AP2B1: variants seen among roughly 807,000 people sequenced by gnomAD.
AP2B1 encodes AP-2 complex subunit beta.
A neutral mutation model predicts 102.0 loss-of-function variants in AP2B1; 23 were observed. The observed-to-expected ratio is 0.23, with a 90% CI of 0.16 to 0.32. The LOEUF (loss-of-function observed/expected upper bound fraction) is 0.32, where lower values mean the gene tolerates loss of function less well. Ranked by LOEUF, AP2B1 falls within the 10% of genes least tolerant of loss-of-function variation. The pLI, the probability that AP2B1 is intolerant of heterozygous loss-of-function variation, is 1.00. For missense variants in AP2B1, 541 were observed against 1,157.4 expected (o/e 0.47, Z 7.73); for synonymous variants, 381 against 421.2 (o/e 0.90, Z 1.17).
chr17:35,588,296 C>CTTTTA (rs977102572), intron 1 of AP2B1, among the ~76,000 whole-genome samples: 1 of 151,866 alleles, frequency 6.6e-6, no homozygotes, highest in Non-Finnish European at 1.5e-5. Flanking sequence ...AAACTTTTGA[C>CTTTTA]TTTTATTTTA....
chr17:35,722,013 G>A (rs1364881849), intron 21 of AP2B1, among the ~76,000 whole-genome samples: 1 of 152,176 alleles, frequency 6.6e-6, no homozygotes, highest in Non-Finnish European at 1.5e-5. Flanking sequence ...GGCCGAGGTG[G>A]GTGGATCACC....
chr17:35,604,248 C>T (rs966437869), intron 3 of AP2B1, among the ~76,000 whole-genome samples: 2 of 152,026 alleles, frequency 1.3e-5, no homozygotes, highest in African/African-American at 4.8e-5. Flanking sequence ...GCTGGGACCA[C>T]AGGCGCACAC....
intron 18 of AP2B1, among the ~76,000 whole-genome samples, chr17:35,706,648 C>CT (rs879890152): frequency 1.0e-3 from 145 of 145,708 alleles, no homozygotes; most frequent in African/African-American, 1.1e-3. Context: ...CCAGTTTTCA[C>CT]TTTTTTTTTT....
At chr17:35,644,353 A>G (rs758362865) in intron 12 of AP2B1, among the ~76,000 whole-genome samples, 11 of 152,132 alleles carry the variant, frequency 7.2e-5, no homozygotes, top group Non-Finnish European at 1.5e-4. Flanking sequence ...TGATTATTTC[A>G]TACTATAAAT....
At chr17:35,636,683 T>C (rs1183015640) in intron 10 of AP2B1, among the ~76,000 whole-genome samples, 3 of 152,254 alleles carry the variant, frequency 2.0e-5, no homozygotes, top group Non-Finnish European at 4.4e-5. Flanking sequence ...ATATGCATTG[T>C]CTATTGGCAT....
intron 17 of AP2B1, among the ~76,000 whole-genome samples, chr17:35,681,181 C>T (rs1267122375): frequency 6.6e-6 from 1 of 152,004 alleles, no homozygotes; most frequent in African/African-American, 2.4e-5. Context: ...AGAAAGTGGC[C>T]ATGTTTGGCT....
intron 19 of AP2B1, 88 bp downstream of exon 19, chr17:35,709,396 ATTTTGAGG>A: frequency 1.8e-6 from 2 of 1,123,972 alleles, no homozygotes; most frequent in Admixed American, 3.6e-5. Flanking sequence ...GTTTTGAGTT[ATTTTGAGG>A]TTAAAAAAAA....
At chr17:35,635,878 G>A (rs373927186) in intron 9 of AP2B1, among the ~76,000 whole-genome samples, 153 of 151,996 alleles carry the variant, frequency 1.0e-3, no homozygotes, top group East Asian at 4.7e-3. Flanking sequence ...TAGTGGAGAC[G>A]GGGTTTCACC....
intron 5 of AP2B1, among the ~76,000 whole-genome samples, chr17:35,611,149 G>A (rs1346300652): frequency 6.6e-6 from 1 of 152,134 alleles, no homozygotes; most frequent in African/African-American, 2.4e-5. Flanking sequence ...GCACCAACTT[G>A]TGTTTTTGGC....
intron 20 of AP2B1, among the ~76,000 whole-genome samples, chr17:35,714,000 C>T (rs1598354559): frequency 6.6e-6 from 1 of 152,158 alleles, no homozygotes; most frequent in South Asian, 2.1e-4. Context: ...CTTAAGTGCA[C>T]AAGAAGTAGT....
At chr17:35,690,218 A>G (rs1235306148) in intron 18 of AP2B1, among the ~76,000 whole-genome samples, 1 of 152,094 alleles carries the variant, frequency 6.6e-6, no homozygotes, top group East Asian at 1.9e-4. Context: ...ATAGGCAACA[A>G]CCTTCTGTTA....
At chr17:35,643,988 G>A (rs562310070) in intron 12 of AP2B1, among the ~76,000 whole-genome samples, 4 of 152,340 alleles carry the variant, frequency 2.6e-5, no homozygotes, top group Admixed American at 2.0e-4. Flanking sequence ...ACTGTGGCAT[G>A]CAGTTTCCTG....
intron 13 of AP2B1, among the ~76,000 whole-genome samples, chr17:35,656,713 C>T (rs2075232284): frequency 6.6e-6 from 1 of 151,910 alleles, no homozygotes; most frequent in South Asian, 2.1e-4. Context: ...GATACCCCGT[C>T]TCTACTAAAA....
chr17:35,660,319 A>G (rs2075328766), intron 14 of AP2B1, among the ~76,000 whole-genome samples: 1 of 152,066 alleles, frequency 6.6e-6, no homozygotes, highest in Admixed American at 6.6e-5. Flanking sequence ...AGTGAGACCT[A>G]GAGTCTGCGT....
rs1210549806 is a variant in AP2B1, at chr17:35,724,529, G to A, written c.*830G>A. The A allele has an allele frequency of 1.3e-5, 2 of 152,110 alleles. No homozygotes were observed. The highest frequency in any genetic ancestry group is 4.8e-5 in the African/African-American group (2 of 41,392). 9.4% of individuals were successfully genotyped at this position (152,110 alleles called of 1,614,324 possible). ...AATTCAGGAATTTGAGTAGAGATGGGGAACAAGAACCCAGATGCTGTCCCC... is the reference window on the plus strand; with the variant it reads ...AATTCAGGAATTTGAGTAGAGATGGAGAACAAGAACCCAGATGCTGTCCCC... On this transcript the variant is annotated 3_prime_UTR_variant, in exon 22 of 22. Coordinates refer to ENST00000610402, the MANE Select transcript of AP2B1 (RefSeq NM_001030006.2).
Position 35,590,592 on chromosome 17 carries a change from G to A in AP2B1, c.-24+3164G>A, listed in dbSNP as rs147702452. On this transcript the variant is annotated intron_variant, in intron 1 of 21. Coordinates refer to ENST00000610402, the MANE Select transcript of AP2B1 (RefSeq NM_001030006.2). ...GGTTAGGGAATATTTTGTTACTATT[G>A]TTTACAATATGGTTACTAGAGTGAT... Among the ~76,000 whole-genome samples, 854 of 152,238 alleles carry A rather than the reference G, an allele frequency of 5.6e-3. 4 individuals are homozygous for A. The highest frequency in any genetic ancestry group is 9.5e-3 in the Non-Finnish European group (648 of 68,012).
chr17:35,676,494 A>G (rs574793898), intron 17 of AP2B1, among the ~76,000 whole-genome samples: 34 of 152,326 alleles, frequency 2.2e-4, no homozygotes, highest in African/African-American at 7.9e-4. Context: ...ATGAATATAC[A>G]GTTTGTTGAC....
chr17:35,653,133 A>G (rs1308858138), intron 13 of AP2B1, among the ~76,000 whole-genome samples: 1 of 152,178 alleles, frequency 6.6e-6, no homozygotes, highest in Non-Finnish European at 1.5e-5. Context: ...GTTTCTCTAC[A>G]TATTCCCTTA....
At chr17:35,624,152 A>G (rs1200165117) in intron 5 of AP2B1, among the ~76,000 whole-genome samples, 2 of 152,216 alleles carry the variant, frequency 1.3e-5, no homozygotes, top group African/African-American at 2.4e-5. Context: ...TTCCTATTAA[A>G]TAACATGTGA....
Sources: gnomAD v4.1 joint callset for allele counts (sites outside exome capture counted in the v4.1 genomes callset) on GRCh38, gnomAD v4.1.1 for gene constraint, MANE v1.5 for transcripts, NCBI Gene and HGNC (gene_info 2026-07-23, HGNC 2026-07-21) for gene names.